GZMB: variants seen among roughly 807,000 people sequenced by gnomAD.
GZMB encodes the protein T-cell serine protease 1-3E.
In GZMB, 27 loss-of-function variants were observed where a neutral mutation model predicts 24.2. The observed-to-expected ratio is 1.12, with a 90% CI of 0.82 to 1.54. GZMB has a LOEUF of 1.54. Ranked by LOEUF, GZMB falls within the 40% of genes most tolerant of loss-of-function variation. The pLI is 0.00. For synonymous variants in GZMB, 121 were observed against 115.1 expected (o/e 1.05, Z -0.33); for missense variants, 336 against 310.1 (o/e 1.08, Z -0.63).
chr14:24,632,005 G>A lies in GZMB; in HGVS notation c.453C>T (p.Ala151=). 1 of 1,614,156 alleles carries A rather than the reference G, an allele frequency of 6.2e-7. No homozygotes were observed. Among genetic ancestry groups the A allele is most frequent in the Admixed American group, 1.7e-5 (1 of 60,016 alleles). The change falls in exon 4 of 5, where the codon GCC becomes GCT. Residue 151 remains alanine (A), a synonymous_variant. Coordinates refer to ENST00000216341, the MANE Select transcript of GZMB (RefSeq NM_004131.6). ...GTGTGTGTGAGTGTTTTCCCAGGGG[G>A]GCCGTCTGCCCCCAGCCGGCCACAC... ...TCSVAGWGQT[A]PLGKHSHTLQ...
chr14:24,631,657 A>C (rs765510513), intron 4 of GZMB: 2 of 600,500 alleles, frequency 3.3e-6, no homozygotes, highest in African/African-American at 1.9e-5. Context: ...CCAAAGAAGC[A>C]CCATCCACCA....
At position 24,633,047 on chromosome 14, in the gene GZMB, C is replaced by A. The variant is rs767736704; in HGVS notation, c.71G>T (p.Gly24Val). The A allele has an allele frequency of 3.1e-6, 5 of 1,609,364 alleles. No homozygotes were observed. Among genetic ancestry groups the A allele is most frequent in the Non-Finnish European group, 4.2e-6 (5 of 1,177,458 alleles). The change falls in exon 2 of 5, where the codon GGA becomes GTA. Residue 24 changes from glycine to valine, a missense_variant. Physicochemically the swap from Gly to Val is moderately radical, Grantham distance 109. Coordinates refer to ENST00000216341, the MANE Select transcript of GZMB (RefSeq NM_004131.6). ...PRADAGEIIG[G>V]HEAKPHSRPY... The stretch of plus-strand genomic sequence containing the variant: ...GCGGGAGTGGGGCTTGGCCTCATGT[C>A]CCCCGATGATCTCCCCTGAAGGAAA...
At chr14:24,631,469 G>T in intron 4 of GZMB, 1 of 554,500 alleles carries the variant, frequency 1.8e-6, no homozygotes, top group Non-Finnish European at 3.2e-6. Flanking sequence ...ACCGTTGGCT[G>T]TTTAAGGACC....
At chr14:24,632,537 C>A (rs983650003) in intron 2 of GZMB, 78 bp from the exon 3 acceptor site, 12 of 1,606,054 alleles carry the variant, frequency 7.5e-6, no homozygotes, top group Non-Finnish European at 1.0e-5. Context: ...CAGGTGACAG[C>A]TGGGGCAGGG....
chr14:24,632,238 G>A, intron 3 of GZMB, 86 bp downstream of exon 3: 3 of 1,515,206 alleles, frequency 2.0e-6, no homozygotes, highest in Non-Finnish European at 2.7e-6. Context: ...AAGAGGCCAG[G>A]ATGGAAAGGA....
rs752317415 is a variant in GZMB at position 24,632,007 on chromosome 14, C to G, written c.451G>C (p.Ala151Pro). 1.9e-6 allele frequency: 3 copies of G among 1,614,092 alleles called. No homozygotes were observed. The highest frequency in any genetic ancestry group is 2.7e-5 in the African/African-American group (2 of 74,940). The change falls in exon 4 of 5, where the codon GCC becomes CCC. Residue 151 changes from alanine (A) to proline (P), a missense_variant. Transcript: ENST00000216341. ...GTGTGTGAGTGTTTTCCCAGGGGGG[C>G]CGTCTGCCCCCAGCCGGCCACACTG... Reference protein sequence around the residue: ...TCSVAGWGQTAPLGKHSHTLQ... With the variant: ...TCSVAGWGQTPPLGKHSHTLQ...
At position 24,631,217 on chromosome 14, in the gene GZMB, G is replaced by C; in HGVS notation, c.601-3C>G. 2.5e-6 allele frequency: 4 copies of C among 1,611,898 alleles called. No homozygotes were observed. On this transcript the variant is annotated splice_region_variant and splice_polypyrimidine_tract_variant and intron_variant, in intron 4 of 4. Coordinates refer to ENST00000216341, the MANE Select transcript of GZMB (RefSeq NM_004131.6). ...ACAAGAGGGCCTCCAGAGTCCCCCTGTGAATAGAGAGTGGAAGGACTGAGC... is the reference window on the plus strand; with the variant it reads ...ACAAGAGGGCCTCCAGAGTCCCCCTCTGAATAGAGAGTGGAAGGACTGAGC...
chr14:24,631,733 T>C, intron 4 of GZMB, 125 bp downstream of exon 4: 1 of 843,428 alleles, frequency 1.2e-6, no homozygotes, highest in Non-Finnish European at 1.9e-6. Context: ...CCCTCTTCTC[T>C]TTCCAGAGAG....
intron 4 of GZMB, 162 bp downstream of exon 4, chr14:24,631,696 C>T (rs1026371507): frequency 3.1e-5 from 21 of 670,194 alleles, no homozygotes; most frequent in Non-Finnish European, 5.2e-5. Context: ...TGCAGAGGCC[C>T]TAATTTCTCC....
intron 1 of GZMB, chr14:24,633,350 T>C: frequency 1.0e-6 from 1 of 980,446 alleles, no homozygotes; most frequent in Non-Finnish European, 1.2e-6. Context: ...TTGTTTCAGG[T>C]GAGTTTCCAA....
In GZMB at chr14:24,633,048, C is replaced by G. The variant is rs1181233158; in HGVS notation, c.70G>C (p.Gly24Arg). The change falls in exon 2 of 5, where the codon GGA becomes CGA. Residue 24 changes from glycine to arginine, a missense_variant. Physicochemically the swap from Gly to Arg is moderately radical, Grantham distance 125. Transcript: ENST00000216341. Reference sequence around the variant, plus strand: ...CGGGAGTGGGGCTTGGCCTCATGTCCCCCGATGATCTCCCCTGAAGGAAAA... The same window carrying G: ...CGGGAGTGGGGCTTGGCCTCATGTCGCCCGATGATCTCCCCTGAAGGAAAA... Reference protein sequence around the residue: ...PRADAGEIIGGHEAKPHSRPY... With the variant: ...PRADAGEIIGRHEAKPHSRPY... 1 of 1,608,824 alleles carries G rather than the reference C, an allele frequency of 6.2e-7. No homozygotes were observed. Among genetic ancestry groups the G allele is most frequent in the Non-Finnish European group, 8.5e-7 (1 of 1,177,240 alleles).
At position 24,630,966 on chromosome 14, in the gene GZMB, CTA is replaced by C; in HGVS notation, c.*103_*104del. On this transcript the variant is annotated 3_prime_UTR_variant, in exon 5 of 5. Transcript: ENST00000216341. ...ACAAGAAACCAGCTTTTCCACTCAG[CTA>C]AGAGGTATTTATTCAGTTGCTGGCA... 1 of 850,876 alleles carries C rather than the reference CTA, an allele frequency of 1.2e-6. No homozygotes were observed. The highest frequency in any genetic ancestry group is 2.0e-6 in the Non-Finnish European group (1 of 506,834). 52.7% of individuals were successfully genotyped at this position (850,876 alleles called of 1,614,324 possible).
rs371505153 is a variant in GZMB, at chr14:24,631,066, T to C, written c.*5A>G. ...TACAGCGGGGGCTTAGTTTGCTTCC[T>C]GTAGTTAGTAGCGTTTCATGGTTTT... On this transcript the variant is annotated 3_prime_UTR_variant, in exon 5 of 5. Coordinates refer to ENST00000216341, the MANE Select transcript of GZMB (RefSeq NM_004131.6). 1 of 1,611,806 alleles carries C rather than the reference T, an allele frequency of 6.2e-7. No homozygotes were observed. Among genetic ancestry groups the C allele is most frequent in the African/African-American group, 1.3e-5 (1 of 74,956 alleles).
At chr14:24,631,576 T>C in intron 4 of GZMB, 1 of 563,010 alleles carries the variant, frequency 1.8e-6, no homozygotes, top group Non-Finnish European at 3.2e-6. Context: ...TTATAATTAC[T>C]GCACCCCCAG....
Position 24,632,412 on chromosome 14 carries a change from G to T in GZMB, c.251C>A (p.Pro84Gln), listed in dbSNP as rs1031484813. 3 of 1,613,532 alleles carry T rather than the reference G, an allele frequency of 1.9e-6. No homozygotes were observed. The highest frequency in any genetic ancestry group is 1.3e-5 in the African/African-American group (1 of 74,918). ...TTTCACAGGGATAAACTGCTGGGTC[G>T]GCTCCTGTTCTTTGATATTGTGGGC... The part of the protein sequence containing the change: ...LGAHNIKEQE[P>Q]TQQFIPVKRP... The change falls in exon 3 of 5, where the codon CCG (proline) becomes CAG (glutamine). Residue 84 changes from proline to glutamine, a missense_variant. Pro to Gln is a moderately conservative substitution (Grantham distance 76). Coordinates refer to ENST00000216341, the MANE Select transcript of GZMB (RefSeq NM_004131.6).
intron 4 of GZMB, chr14:24,631,534 C>T (rs760740796): frequency 3.5e-5 from 19 of 542,436 alleles, no homozygotes; most frequent in Middle Eastern, 4.8e-4. Flanking sequence ...CCATTAACCA[C>T]GTTGGGTACC....
At chr14:24,632,744 C>T (rs1481211920) in intron 2 of GZMB, 171 bp downstream of exon 2, 17 of 824,434 alleles carry the variant, frequency 2.1e-5, no homozygotes, top group Non-Finnish European at 3.2e-5. Context: ...TTCAGCAGCA[C>T]CTCTGGAACC....
chr14:24,633,840 C>A (rs973933155), intron 1 of GZMB: 2 of 537,466 alleles, frequency 3.7e-6, no homozygotes, highest in Admixed American at 6.2e-5. Flanking sequence ...CCATCCTCTG[C>A]CATTTACTTC....
At position 24,632,909 on chromosome 14, in the gene GZMB, C is replaced by G. The variant is rs371428669; in HGVS notation, c.203+6G>C. The stretch of plus-strand genomic sequence containing the variant: ...AGGAGGGTGTGGGCTGTTTTCTGCT[C>G]CTCACCTTCCCCAACAGTGAGCAGC... On this transcript the variant is annotated splice_donor_region_variant and intron_variant, in intron 2 of 4. Transcript: ENST00000216341. 6.2e-7 allele frequency: 1 copy of G among 1,608,834 alleles called. No individual in the cohort carries two copies.
Sources: gnomAD v4.1 joint callset for allele counts on GRCh38, gnomAD v4.1.1 for gene constraint, MANE v1.5 for transcripts, NCBI Gene and HGNC (gene_info 2026-07-23, HGNC 2026-07-21) for gene names.